ABCB11: variants seen among roughly 807,000 people sequenced by gnomAD.
ABCB11 encodes bile salt export pump.
ABCB11 carries 95 observed loss-of-function variants against 148.0 expected under a neutral mutation model. That is an observed-to-expected ratio of 0.64 (90% confidence interval 0.54 to 0.76). The LOEUF is 0.76. Among genes scored for constraint, ABCB11 ranks in the 30% least tolerant of loss-of-function variants. ABCB11 has a pLI of 0.00. For missense variants in ABCB11, 1,523 were observed against 1,617.8 expected (o/e 0.94, Z 1.01); for synonymous variants, 591 against 555.4 (o/e 1.06, Z -0.90).
At chr2:168,973,274 A>T (rs1693672374) in intron 13 of ABCB11, among the ~76,000 whole-genome samples, 2 of 146,966 alleles carry the variant, frequency 1.4e-5, no homozygotes. Context: ...GGCAAACATC[A>T]CAGTGTAGTT....
In ABCB11 at chr2:168,944,718, T is replaced by C; in HGVS notation, c.2497A>G (p.Lys833Glu). The C allele has an allele frequency of 6.2e-7, 1 of 1,612,884 alleles. No individual in the cohort carries two copies. The highest frequency in any genetic ancestry group is 2.2e-5 in the East Asian group (1 of 44,840). The change falls in exon 21 of 28, where the codon AAA becomes GAA. Residue 833 changes from lysine (K) to glutamate (E), a missense_variant. By Grantham distance (56) the Lys-to-Glu change is moderately conservative. Transcript: ENST00000650372. ...CCCAGCATTGCCCTGAAACCAAATT[T>C]ACGTAGCCTTTTTGTTAGGAGCTCC... ...SGELLTKRLR[K>E]FGFRAMLGQD...
At position 168,927,246 on chromosome 2, in the gene ABCB11, A is replaced by G. The variant is rs1691357403; in HGVS notation, c.3528T>C (p.Tyr1176=). ...FACSIMDNIK[Y]GDNTKEIPME... ...TGGGAATTTCTTTGGTGTTGTCTCC[A>G]TACTTGATATTGTCCATTATGCTAC... is the stretch of plus-strand genomic sequence containing the variant. Residue 1176 remains tyrosine, a synonymous_variant, in exon 26 of 28, where the codon TAT becomes TAC. Coordinates refer to ENST00000650372, the MANE Select transcript of ABCB11 (RefSeq NM_003742.4). 2 of 1,613,882 alleles carry G rather than the reference A, an allele frequency of 1.2e-6. No homozygotes were observed. Among genetic ancestry groups the G allele is most frequent in the Non-Finnish European group, 1.7e-6 (2 of 1,179,806 alleles).
chr2:168,965,114 A>C (rs972931234), intron 17 of ABCB11, among the ~76,000 whole-genome samples: 1 of 152,032 alleles, frequency 6.6e-6, no homozygotes, highest in Non-Finnish European at 1.5e-5. Context: ...AGGTGTTACC[A>C]AGGCAAGATT....
intron 18 of ABCB11, among the ~76,000 whole-genome samples, chr2:168,959,751 G>A (rs766906706): frequency 4.6e-5 from 7 of 151,372 alleles, no homozygotes; most frequent in South Asian, 4.2e-4. Flanking sequence ...GTTTCCTCTC[G>A]TTTAAAACAC....
chr2:168,964,659 T>G (rs1431850279), intron 17 of ABCB11, among the ~76,000 whole-genome samples: 1 of 151,836 alleles, frequency 6.6e-6, no homozygotes, highest in East Asian at 2.0e-4. Flanking sequence ...ATTGCTGCCT[T>G]GGCAACAGTC....
intron 1 of ABCB11, among the ~76,000 whole-genome samples, chr2:169,021,380 A>C (rs1478975090): frequency 2.0e-5 from 3 of 152,200 alleles, no homozygotes; most frequent in African/African-American, 7.2e-5. Flanking sequence ...CTGTTATGTT[A>C]ATGTCAGAAA....
intron 2 of ABCB11, among the ~76,000 whole-genome samples, chr2:169,017,233 T>A (rs1695390640): frequency 6.6e-6 from 1 of 151,288 alleles, no homozygotes; most frequent in Admixed American, 6.6e-5. Context: ...AACAATAAGA[T>A]GTTAATAACA....
At chr2:168,987,222 A>G (rs1233344785) in intron 9 of ABCB11, among the ~76,000 whole-genome samples, 1 of 152,160 alleles carries the variant, frequency 6.6e-6, no homozygotes, top group African/African-American at 2.4e-5. Context: ...CCATCTTACC[A>G]AATCTACAAC....
At chr2:168,949,935 A>G (rs958551731) in intron 19 of ABCB11, among the ~76,000 whole-genome samples, 30 of 151,452 alleles carry the variant, frequency 2.0e-4, no homozygotes, top group African/African-American at 7.3e-4. Flanking sequence ...CTCCCAGCCT[A>G]CATCTTTCTC....
At chr2:168,935,468 A>G (rs747676817) in intron 22 of ABCB11, 43 bp from the exon 23 acceptor site, 7 of 1,577,792 alleles carry the variant, frequency 4.4e-6, no homozygotes, top group Non-Finnish European at 6.0e-6. Flanking sequence ...GGGCAGAAAT[A>G]ACTCCTTTCG....
intron 5 of ABCB11, among the ~76,000 whole-genome samples, chr2:169,009,193 A>G (rs888181780): frequency 1.3e-4 from 20 of 152,168 alleles, no homozygotes; most frequent in African/African-American, 4.3e-4. Flanking sequence ...TTAAAATTCT[A>G]GAAATACCAT....
chr2:168,978,838 G>A (rs1411008282), intron 11 of ABCB11, among the ~76,000 whole-genome samples: 1 of 152,096 alleles, frequency 6.6e-6, no homozygotes, highest in Non-Finnish European at 1.5e-5. Flanking sequence ...TCCCACCTCA[G>A]CCTCTTGAAT....
chr2:168,987,988 A>ATT, intron 9 of ABCB11, among the ~76,000 whole-genome samples: 1 of 151,146 alleles, frequency 6.6e-6, no homozygotes, highest in African/African-American at 2.4e-5. Flanking sequence ...ACATACTTAT[A>ATT]TTGTGTGTGT....
At chr2:168,996,747 C>T (rs368513567) in intron 5 of ABCB11, 25 bp from the exon 6 acceptor site, 178 of 1,484,122 alleles carry the variant, frequency 1.2e-4, no homozygotes, top group Non-Finnish European at 1.6e-4. Context: ...AAAGAATGTT[C>T]AGACTTGCAA....
rs1244436923 is a variant in ABCB11, at chr2:168,935,462, A to G, written c.2815-37T>C. ...AAAAGAGTCTTAGGAATACAAGGGC[A>G]GAAATAACTCCTTTCGTGACATTTC... is the stretch of plus-strand genomic sequence containing the variant. On this transcript the variant is annotated intron_variant, in intron 22 of 27. Transcript: ENST00000650372. 1.9e-6 allele frequency: 3 copies of G among 1,587,884 alleles called. No homozygotes were observed. In the African/African-American group the frequency reaches 4.1e-5, roughly 21 times the overall value.
chr2:168,924,553 T>G (rs1382708058), intron 27 of ABCB11, 104 bp downstream of exon 27: 1 of 1,188,034 alleles, frequency 8.4e-7, no homozygotes, highest in African/African-American at 1.5e-5. Context: ...ATTTCTACTG[T>G]TAACGAATCA....
At chr2:168,942,305 T>G (rs557530621) in intron 21 of ABCB11, among the ~76,000 whole-genome samples, 1 of 151,956 alleles carries the variant, frequency 6.6e-6, no homozygotes, top group South Asian at 2.1e-4. Context: ...ATAGCAATCC[T>G]ACTGTGTATG....
downstream of ABCB11, among the ~76,000 whole-genome samples, chr2:168,919,990 A>G: frequency 6.6e-6 from 1 of 151,790 alleles, no homozygotes; most frequent in East Asian, 1.9e-4. Context: ...ACCCCACTTC[A>G]GCTTCCCGAG....
At chr2:168,931,678 A>AT (rs1326344080) in intron 24 of ABCB11, among the ~76,000 whole-genome samples, 1 of 152,204 alleles carries the variant, frequency 6.6e-6, no homozygotes, top group Non-Finnish European at 1.5e-5. Context: ...CAGAACATCA[A>AT]TAGAAAACAC....
Sources: gnomAD v4.1 joint callset for allele counts (sites outside exome capture counted in the v4.1 genomes callset) on GRCh38, gnomAD v4.1.1 for gene constraint, MANE v1.5 for transcripts, NCBI Gene and HGNC (gene_info 2026-07-23, HGNC 2026-07-21) for gene names.